The following SDK1 variants were observed in gnomAD, a reference collection of about 807,000 sequenced individuals.
The protein encoded by SDK1 is sidekick cell adhesion molecule 1.
Under a neutral mutation model 245.5 loss-of-function variants are expected in SDK1, and 157 were observed. The ratio of observed to expected loss-of-function variants is 0.64; its 90% CI spans 0.56 to 0.73. SDK1 has a LOEUF of 0.73. Ranked by LOEUF, SDK1 falls within the 30% of genes least tolerant of loss-of-function variation. SDK1 has a pLI of 0.00. For missense variants in SDK1, 3,583 were observed against 3,002.3 expected, an observed-to-expected ratio of 1.19 and a Z score of -4.52; for synonymous variants, 1,647 against 1,278.5, an observed-to-expected ratio of 1.29 and a Z score of -6.15.
intron 1 of SDK1, among the ~76,000 whole-genome samples, chr7:3,561,036 T>C (rs1204590014): frequency 6.6e-6 from 1 of 152,194 alleles, no homozygotes; most frequent in African/African-American, 2.4e-5. Flanking sequence ...ACATACTATA[T>C]GTTTTATGTG....
chr7:4,238,864 C>CA (rs902536876), intron 42 of SDK1, among the ~76,000 whole-genome samples: 94 of 142,576 alleles, frequency 6.6e-4, no homozygotes, highest in South Asian at 2.5e-3. Flanking sequence ...CTGTCTCTTA[C>CA]AAAAAAAAAA....
At chr7:3,754,875 G>A in intron 4 of SDK1, among the ~76,000 whole-genome samples, 1 of 152,190 alleles carries the variant, frequency 6.6e-6, no homozygotes, top group African/African-American at 2.4e-5. Context: ...GGGAATCGCA[G>A]CACAGGGGCC....
At chr7:4,141,757 G>A (rs1779595372) in intron 28 of SDK1, among the ~76,000 whole-genome samples, 1 of 152,192 alleles carries the variant, frequency 6.6e-6, no homozygotes. Context: ...GGATAGGCAT[G>A]TTTTTGTTGT....
intron 4 of SDK1, among the ~76,000 whole-genome samples, chr7:3,760,715 G>A: frequency 6.6e-6 from 1 of 152,198 alleles, no homozygotes; most frequent in East Asian, 1.9e-4. Flanking sequence ...CTTTTGGGAT[G>A]ATAACCGGCT....
intron 1 of SDK1, among the ~76,000 whole-genome samples, chr7:3,592,095 TGGAG>T: frequency 6.6e-6 from 1 of 152,332 alleles, no homozygotes; most frequent in Middle Eastern, 3.4e-3. Flanking sequence ...TTGGAAGTAA[TGGAG>T]GAAGTATTTC....
At chr7:3,336,570 G>A (rs1406413480) in intron 1 of SDK1, among the ~76,000 whole-genome samples, 1 of 152,134 alleles carries the variant, frequency 6.6e-6, no homozygotes, top group Non-Finnish European at 1.5e-5. Flanking sequence ...GGCAAATGAG[G>A]TATGGAGGAG....
At chr7:3,742,990 T>G (rs1319180902) in intron 4 of SDK1, among the ~76,000 whole-genome samples, 1 of 152,180 alleles carries the variant, frequency 6.6e-6, no homozygotes, top group Non-Finnish European at 1.5e-5. Context: ...TGAGGAAGCA[T>G]GTATGGATAT....
chr7:3,641,827 C>G, intron 3 of SDK1, 131 bp from the exon 4 acceptor site: 7 of 749,312 alleles, frequency 9.3e-6, no homozygotes, highest in Non-Finnish European at 1.5e-5. Flanking sequence ...GCCGTGCAGT[C>G]TCGCTCGTCC....
chr7:3,909,429 G>A (rs1583548220), intron 5 of SDK1, among the ~76,000 whole-genome samples: 1 of 152,158 alleles, frequency 6.6e-6, no homozygotes, highest in Non-Finnish European at 1.5e-5. Flanking sequence ...CCATCCTGAG[G>A]GACCTCCTCC....
intron 44 of SDK1, among the ~76,000 whole-genome samples, chr7:4,256,745 C>T (rs573738742): frequency 3.9e-5 from 6 of 152,202 alleles, no homozygotes; most frequent in African/African-American, 1.2e-4. Flanking sequence ...GGCTTCTGCT[C>T]ACCGTCTTCT....
chr7:3,529,085 T>C (rs1783253254), intron 1 of SDK1, among the ~76,000 whole-genome samples: 1 of 152,090 alleles, frequency 6.6e-6, no homozygotes, highest in South Asian at 2.1e-4. Flanking sequence ...CATCAACAGA[T>C]AAGGGATTTA....
rs558639893 is a variant in SDK1 at position 4,213,462 on chromosome 7, G to A, written c.5539+3300G>A. Among the ~76,000 whole-genome samples, 339 of 152,008 alleles carry A rather than the reference G, an allele frequency of 2.2e-3. 2 individuals carry two copies. Among genetic ancestry groups the A allele is most frequent in the African/African-American group, 7.3e-3 (304 of 41,452 alleles). On this transcript the variant is annotated intron_variant, in intron 38 of 44. Transcript: ENST00000404826. ...TAGCTGGGCATGGTGGCATGTGCCT[G>A]TAGTCCCAGTTACTCGGGAGGCTGA...
Position 3,793,631 on chromosome 7 carries a change from A to C in SDK1, c.714-27819A>C, listed in dbSNP as rs554352321. 1.3e-4 allele frequency among the ~76,000 whole-genome samples: 20 copies of C among 152,144 alleles called. No individual in the cohort carries two copies. In the South Asian group the frequency reaches 4.1e-3, roughly 32 times the overall value. On this transcript the variant is annotated intron_variant, in intron 4 of 44. Transcript: ENST00000404826. ...AACTAAGCAATCTTGTTTTTTCTTT[A>C]GATTTGGGAAGCTACAAACTGTATC...
intron 1 of SDK1, among the ~76,000 whole-genome samples, chr7:3,545,985 A>C (rs959673677): frequency 6.6e-5 from 10 of 152,370 alleles, no homozygotes; most frequent in African/African-American, 2.4e-4. Flanking sequence ...TTAGTAACCT[A>C]TTGATATTTC....
intron 4 of SDK1, among the ~76,000 whole-genome samples, chr7:3,775,614 G>A (rs1780532346): frequency 1.3e-5 from 2 of 149,204 alleles, no homozygotes; most frequent in South Asian, 4.2e-4. Context: ...CTGTCGCCCA[G>A]GCCGGACTGC....
intron 1 of SDK1, among the ~76,000 whole-genome samples, chr7:3,575,810 G>C (rs779677991): frequency 3.9e-5 from 6 of 152,048 alleles, no homozygotes; most frequent in Non-Finnish European, 5.9e-5. Flanking sequence ...AAACACAATA[G>C]CGTTTGTCTT....
At chr7:4,063,107 G>A (rs1248793439) in intron 19 of SDK1, among the ~76,000 whole-genome samples, 1 of 152,136 alleles carries the variant, frequency 6.6e-6, no homozygotes, top group Non-Finnish European at 1.5e-5. Context: ...AGCCACAGCA[G>A]TCAGGCAAAA....
chr7:4,063,897 C>T (rs545235348), intron 19 of SDK1, among the ~76,000 whole-genome samples: 2 of 152,036 alleles, frequency 1.3e-5, no homozygotes, highest in African/African-American at 4.8e-5. Context: ...ATTGGATATC[C>T]ATATGCAGAA....
chr7:3,616,127 C>T (rs891725955), intron 1 of SDK1, among the ~76,000 whole-genome samples: 2 of 152,206 alleles, frequency 1.3e-5, no homozygotes, highest in African/African-American at 2.4e-5. Flanking sequence ...CTCAAGCAAT[C>T]CTTCCGCCTC....
Sources: allele counts gnomAD v4.1 joint callset (sites outside exome capture counted in the v4.1 genomes callset), GRCh38; gene constraint gnomAD v4.1.1; transcripts MANE v1.5; gene names NCBI Gene and HGNC (gene_info 2026-07-23, HGNC 2026-07-21).